Variants in MYO1B observed in about 807,000 individuals in gnomAD.
The protein encoded by MYO1B is myosin IB.
A neutral mutation model predicts 159.7 loss-of-function variants in MYO1B; 72 were observed. That is an observed-to-expected ratio of 0.45 (90% CI 0.37 to 0.55). The LOEUF (loss-of-function observed/expected upper bound fraction) is 0.55. Among genes scored for constraint, MYO1B ranks in the 20% least tolerant of loss-of-function variants. The probability of loss-of-function intolerance (pLI) is 0.00; values close to 1 mark genes in which losing one functional copy is unlikely to be tolerated. For missense variants in MYO1B, 1,062 were observed against 1,364.8 expected, an observed-to-expected ratio of 0.78 and a Z score of 3.50; for synonymous variants, 468 against 473.8, an observed-to-expected ratio of 0.99 and a Z score of 0.16.
chr2:191,350,140 TCA>T lies in MYO1B; in HGVS notation c.499-19_499-18del. The T allele has an allele frequency of 6.2e-7, 1 of 1,608,652 alleles. No homozygotes were observed. On this transcript the variant is annotated intron_variant, in intron 6 of 30. Coordinates refer to ENST00000392318, the MANE Select transcript of MYO1B (RefSeq NM_001130158.3). The stretch of plus-strand genomic sequence containing the variant: ...AACATTTTGAGATGAACTAGAAAAC[TCA>T]CAAAATCTTTCTTTGGCAGGGCAAA...
In MYO1B at chr2:191,326,523, AT is replaced by A. The variant is rs554529889; in HGVS notation, c.252-3408del. On this transcript the variant is annotated intron_variant, in intron 3 of 30. Transcript: ENST00000392318. ...AGTGCTTAAGTACTTTAATTGGTAA[AT>A]TTTCACGTCACTTTGAACTCAGTGG... is the stretch of plus-strand genomic sequence containing the variant. Among the ~76,000 whole-genome samples, 61 of 152,192 alleles carry A rather than the reference AT, an allele frequency of 4.0e-4. No individual in the cohort carries two copies. The South Asian group carries it at 0.011, about 27-fold the overall frequency.
At chr2:191,303,441 AAGGGTTT>A (rs1419751941) in intron 3 of MYO1B, among the ~76,000 whole-genome samples, 1 of 152,212 alleles carries the variant, frequency 6.6e-6, no homozygotes, top group Non-Finnish European at 1.5e-5. Context: ...AGTTGCAGAA[AAGGGTTT>A]TATGCTTTCC....
At chr2:191,357,322 A>G (rs1693360121) in intron 7 of MYO1B, among the ~76,000 whole-genome samples, 1 of 152,186 alleles carries the variant, frequency 6.6e-6, no homozygotes, top group Non-Finnish European at 1.5e-5. Context: ...GAGTCGAGCT[A>G]GGAAAGCCCC....
chr2:191,249,916 C>T (rs903833609), intron 1 of MYO1B, among the ~76,000 whole-genome samples: 1 of 152,204 alleles, frequency 6.6e-6, no homozygotes, highest in African/African-American at 2.4e-5. Context: ...TGAGCACCTT[C>T]CAACTTACCA....
chr2:191,396,815 A>G (rs1574600213), intron 21 of MYO1B, among the ~76,000 whole-genome samples: 1 of 152,176 alleles, frequency 6.6e-6, no homozygotes, highest in South Asian at 2.1e-4. Context: ...AGGCTATCTC[A>G]CAGCCATTGC....
At chr2:191,335,448 A>G (rs1452162989) in intron 4 of MYO1B, among the ~76,000 whole-genome samples, 1 of 152,200 alleles carries the variant, frequency 6.6e-6, no homozygotes, top group Admixed American at 6.5e-5. Flanking sequence ...ACTTACAGGA[A>G]AATAAAATGA....
chr2:191,390,627 A>G, intron 18 of MYO1B, 135 bp downstream of exon 18: 3 of 1,011,848 alleles, frequency 3.0e-6, no homozygotes, highest in Non-Finnish European at 4.2e-6. Flanking sequence ...ACCTTCTTCC[A>G]TTAGGATACC....
At chr2:191,353,235 A>ATAAT (rs1404564668) in intron 7 of MYO1B, among the ~76,000 whole-genome samples, 1 of 152,176 alleles carries the variant, frequency 6.6e-6, no homozygotes, top group Admixed American at 6.5e-5. Context: ...GTGATGTTAA[A>ATAAT]TAATATTTCT....
At chr2:191,338,640 C>T (rs1389529366) in intron 4 of MYO1B, among the ~76,000 whole-genome samples, 15 of 152,116 alleles carry the variant, frequency 9.9e-5, no homozygotes, top group African/African-American at 2.9e-4. Context: ...GGTTGATTTT[C>T]CCCCCACCAC....
chr2:191,400,919 A>G, intron 23 of MYO1B, 84 bp downstream of exon 23: 1 of 1,289,082 alleles, frequency 7.8e-7, no homozygotes. Flanking sequence ...GGGATGAATG[A>G]CTACAATTAA....
chr2:191,247,042 A>G (rs1242704622), intron 1 of MYO1B, among the ~76,000 whole-genome samples: 1 of 152,166 alleles, frequency 6.6e-6, no homozygotes, highest in East Asian at 1.9e-4. Flanking sequence ...GGAGGGAGCT[A>G]TGGGGGATTG....
intron 1 of MYO1B, among the ~76,000 whole-genome samples, chr2:191,256,819 G>A (rs1303601126): frequency 6.6e-6 from 1 of 152,160 alleles, no homozygotes; most frequent in African/African-American, 2.4e-5. Flanking sequence ...GCATTCACAG[G>A]TGAAGTACCT....
At chr2:191,409,274 T>C in intron 26 of MYO1B, 96 bp downstream of exon 26, 1 of 1,349,620 alleles carries the variant, frequency 7.4e-7, no homozygotes, top group Middle Eastern at 2.5e-4. Flanking sequence ...CATTCTTCCT[T>C]TGCCTCAAAG....
At chr2:191,323,118 G>A (rs1167029738) in intron 3 of MYO1B, among the ~76,000 whole-genome samples, 3 of 152,168 alleles carry the variant, frequency 2.0e-5, no homozygotes, top group Non-Finnish European at 4.4e-5. Flanking sequence ...GGTGCTGGTG[G>A]GAGTAGCTTT....
chr2:191,387,237 T>A lies in MYO1B; in HGVS notation c.1568T>A (p.Val523Glu). The A allele has an allele frequency of 6.2e-7, 1 of 1,614,030 alleles. No individual in the cohort carries two copies. Among genetic ancestry groups the A allele is most frequent in the Non-Finnish European group, 8.5e-7 (1 of 1,179,936 alleles). ...TGCTGCTTATAGGTGCTGTACCAGG[T>A]GGAAGGATTCGTTGACAAAAACAAT... ...QHYAGKVLYQ[V>E]EGFVDKNNDL... Residue 523 changes from valine to glutamate, a missense_variant, in exon 17 of 31, where the codon GTG (valine) becomes GAG (glutamate). Physicochemically the swap from Val to Glu is moderately radical, Grantham distance 121. Transcript: ENST00000392318.
chr2:191,317,280 G>A (rs1371541408), intron 3 of MYO1B, among the ~76,000 whole-genome samples: 1 of 152,106 alleles, frequency 6.6e-6, no homozygotes, highest in Non-Finnish European at 1.5e-5. Flanking sequence ...CTTGTTCAAA[G>A]GGGACCTAGA....
At chr2:191,377,943 C>G (rs1415945290) in intron 13 of MYO1B, 1 of 151,916 alleles carries the variant, frequency 6.6e-6, no homozygotes, top group Non-Finnish European at 1.5e-5. Flanking sequence ...ATGCTGATTT[C>G]TGTGGGGAAG....
At position 191,296,191 on chromosome 2, in the gene MYO1B, C is replaced by T; in HGVS notation, c.216C>T (p.Tyr72=). 1 of 1,609,372 alleles carries T rather than the reference C, an allele frequency of 6.2e-7. No individual in the cohort carries two copies. The highest frequency in any genetic ancestry group is 8.5e-7 in the Non-Finnish European group (1 of 1,176,784). Residue 72 remains tyrosine, a synonymous_variant, in exon 3 of 31, where the codon TAC becomes TAT. Coordinates refer to ENST00000392318, the MANE Select transcript of MYO1B (RefSeq NM_001130158.3). ...ATTCACCAGAGAAAGTGGAAGAATACAGGAACAGAAATTTTTATGAACTGA... is the reference window on the plus strand; with the variant it reads ...ATTCACCAGAGAAAGTGGAAGAATATAGGAACAGAAATTTTTATGAACTGA... ...PIYSPEKVEE[Y]RNRNFYELSP...
intron 3 of MYO1B, among the ~76,000 whole-genome samples, chr2:191,306,091 C>A (rs1240976773): frequency 1.3e-5 from 2 of 152,132 alleles, no homozygotes; most frequent in African/African-American, 4.8e-5. Context: ...AAACAAATGG[C>A]ATTTTAAATG....
Sources: allele counts gnomAD v4.1 joint callset (sites outside exome capture counted in the v4.1 genomes callset), GRCh38; gene constraint gnomAD v4.1.1; transcripts MANE v1.5; gene names NCBI Gene and HGNC (gene_info 2026-07-23, HGNC 2026-07-21).